The following MYCL variants were observed in gnomAD, a reference collection of about 807,000 sequenced individuals.
MYCL encodes the protein MYCL proto-oncogene, bHLH transcription factor.
In MYCL, 11 loss-of-function variants were observed where a neutral mutation model predicts 31.0. The observed-to-expected ratio is 0.35, with a 90% CI of 0.22 to 0.59. The LOEUF is 0.59. MYCL is among the 20% of genes least tolerant of loss of function. MYCL has a pLI of 0.79. For missense variants in MYCL, 427 were observed against 486.1 expected, an observed-to-expected ratio of 0.88 and a Z score of 1.14; for synonymous variants, 208 against 202.4, an observed-to-expected ratio of 1.03 and a Z score of -0.23.
Position 39,901,832 on chromosome 1 carries a change from G to C in MYCL, c.-398C>G, listed in dbSNP as rs1488450404. The C allele has an allele frequency of 3.1e-6, 4 of 1,270,108 alleles. No homozygotes were observed. Among genetic ancestry groups the C allele is most frequent in the Non-Finnish European group, 4.0e-6 (4 of 997,170 alleles). The allele number at this position is 1,270,108 out of a possible 1,614,324, so 78.7% of individuals were successfully genotyped here. A position where few individuals can be genotyped will look rare whatever the true frequency, so the allele number is the denominator to read the frequency against. On this transcript the variant is annotated 5_prime_UTR_variant, in exon 1 of 2. Transcript: ENST00000372816. This position sits in a 1 kb window ranked among gnomAD's most constrained non-coding sequence, Gnocchi z 6.9. ...CCTCGCTCCAGCCGCCCGCCACCTG[G>C]AGCGGACCGGCTCCCCGCCGGCTCG...
At chr1:39,898,617 A>T in intron 1 of MYCL, 1 of 981,350 alleles carries the variant, frequency 1.0e-6, no homozygotes, top group Non-Finnish European at 1.2e-6. Flanking sequence ...GGGTTTCTAA[A>T]GTCATCCATC....
chr1:39,900,478 C>T, intron 1 of MYCL: 4 of 1,033,698 alleles, frequency 3.9e-6, no homozygotes, highest in Non-Finnish European at 4.6e-6. Flanking sequence ...AAAGTAAAGC[C>T]AACTGGAGAC....
At position 39,901,390 on chromosome 1, in the gene MYCL, G is replaced by A. The variant is rs2124720894; in HGVS notation, c.45C>T (p.Cys15=). The part of the protein sequence containing the change: ...SYQHYFYDYD[C]GEDFYRSTAP... Reference sequence around the variant, plus strand: ...CCGTGGAGCGGTAGAAATCCTCCCCGCAGTCATAGTCGTAGAAATAGTGCT... The same window carrying A: ...CCGTGGAGCGGTAGAAATCCTCCCCACAGTCATAGTCGTAGAAATAGTGCT... Residue 15 remains cysteine (C), a synonymous_variant, in exon 1 of 2, where the codon TGC becomes TGT. Transcript: ENST00000372816. This position sits in a 1 kb window ranked among gnomAD's most constrained non-coding sequence, Gnocchi z 6.9. 6.2e-7 allele frequency: 1 copy of A among 1,612,958 alleles called. No individual in the cohort carries two copies.
At position 39,901,039 on chromosome 1, in the gene MYCL, A is replaced by T. The variant is rs1220686704; in HGVS notation, c.396T>A (p.Thr132=). 1.3e-6 allele frequency: 2 copies of T among 1,526,008 alleles called. No homozygotes were observed. Among genetic ancestry groups the T allele is most frequent in the East Asian group, 4.8e-5 (2 of 41,258 alleles). 94.5% of individuals were successfully genotyped at this position (1,526,008 alleles called of 1,614,324 possible). A position where few individuals can be genotyped will look rare whatever the true frequency, so the allele number is the denominator to read the frequency against. ...PPKASAAPDC[T]PSLEAGNPAP... is the part of the protein sequence containing the mutation. ...CCGGGTTGCCGGCTTCGAGGCTGGG[A>T]GTGCAGTCCGGGGCGGCGGACGCCT... The change falls in exon 1 of 2, where the codon ACT becomes ACA. Residue 132 remains threonine (T), a synonymous_variant. Coordinates refer to ENST00000372816, the MANE Select transcript of MYCL (RefSeq NM_001033081.3). The surrounding 1 kb of genome is among the most constrained non-coding windows in gnomAD (Gnocchi z 6.9).
intron 1 of MYCL, chr1:39,900,273 A>G (rs1644523269): frequency 6.1e-6 from 6 of 985,604 alleles, no homozygotes; most frequent in Non-Finnish European, 7.2e-6. Context: ...CCTGGTTGGG[A>G]TGGAGCATTG....
At chr1:39,900,506 C>T (rs757646368) in intron 1 of MYCL, 233 of 1,078,080 alleles carry the variant, frequency 2.2e-4, no homozygotes, top group Non-Finnish European at 2.5e-4. Context: ...TTTAAAAGGA[C>T]GAAGGTTTTG....
At position 39,900,091 on chromosome 1, in the gene MYCL, C is replaced by A. The variant is rs544463509; in HGVS notation, c.496+848G>T. 320 of 985,434 alleles carry A rather than the reference C, an allele frequency of 3.2e-4. 4 individuals are homozygous for A. In the South Asian group the frequency reaches 0.011, roughly 35 times the overall value. The allele number at this position is 985,434 out of a possible 1,614,324, so 61.0% of individuals were successfully genotyped here. A position where few individuals can be genotyped will look rare whatever the true frequency, so the allele number is the denominator to read the frequency against. On this transcript the variant is annotated intron_variant, in intron 1 of 1. Coordinates refer to ENST00000372816, the MANE Select transcript of MYCL (RefSeq NM_001033081.3). ...CCCCAGCATGTAGCCCACAGATTGC[C>A]ACAAAGTAGGGGCCAGTGAATATTT... is the stretch of plus-strand genomic sequence containing the variant.
rs1448038483 is a variant in MYCL at position 39,900,504 on chromosome 1, G to A, written c.496+435C>T. On this transcript the variant is annotated intron_variant, in intron 1 of 1. Coordinates refer to ENST00000372816, the MANE Select transcript of MYCL (RefSeq NM_001033081.3). ...AACTGGAGACCTAGGTTTTTAAAAG[G>A]ACGAAGGTTTTGGCTTTGCACAAAA... is the stretch of plus-strand genomic sequence containing the variant. 8 of 1,075,052 alleles carry A rather than the reference G, an allele frequency of 7.4e-6. No homozygotes were observed. The East Asian group carries it at 1.8e-4, about 24-fold the overall frequency. 66.6% of individuals were successfully genotyped at this position (1,075,052 alleles called of 1,614,324 possible). A position where few individuals can be genotyped will look rare whatever the true frequency, so the allele number is the denominator to read the frequency against.
rs978227875 is a variant in MYCL at position 39,895,428 on chromosome 1, T to C, written c.*1944A>G. The stretch of plus-strand genomic sequence containing the variant: ...GGCATAAGCTGCCCCCACTCTGACA[T>C]GTTTGAGAAATCTTTTATTAGAAGA... On this transcript the variant is annotated 3_prime_UTR_variant, in exon 2 of 2. Transcript: ENST00000372816. 3 of 213,426 alleles carry C rather than the reference T, an allele frequency of 1.4e-5. No homozygotes were observed. Among genetic ancestry groups the C allele is most frequent in the Non-Finnish European group, 2.8e-5 (3 of 105,576 alleles). The allele number at this position is 213,426 out of a possible 1,614,324, so 13.2% of individuals were successfully genotyped here.
At position 39,901,830 on chromosome 1, in the gene MYCL, TG is replaced by T; in HGVS notation, c.-397del. 1.6e-6 allele frequency: 2 copies of T among 1,272,302 alleles called. No individual in the cohort carries two copies. The highest frequency in any genetic ancestry group is 1.8e-5 in the South Asian group (1 of 54,548). 78.8% of individuals were successfully genotyped at this position (1,272,302 alleles called of 1,614,324 possible). ...CACCTCGCTCCAGCCGCCCGCCACCTGGAGCGGACCGGCTCCCCGCCGGCTC... is the reference window on the plus strand; with the variant it reads ...CACCTCGCTCCAGCCGCCCGCCACCTGAGCGGACCGGCTCCCCGCCGGCTC... On this transcript the variant is annotated 5_prime_UTR_variant, in exon 1 of 2. The change creates a premature stop within an existing upstream ORF in the 5' untranslated region. Transcript: ENST00000372816. The surrounding 1 kb of genome is among the most constrained non-coding windows in gnomAD (Gnocchi z 6.9).
Position 39,901,850 on chromosome 1 carries a change from C to A in MYCL, c.-416G>T. On this transcript the variant is annotated 5_prime_UTR_variant, in exon 1 of 2. Transcript: ENST00000372816. This position sits in a 1 kb window ranked among gnomAD's most constrained non-coding sequence, Gnocchi z 6.9. ...CCACCTGGAGCGGACCGGCTCCCCG[C>A]CGGCTCGGGGCAGCCCGGCAGCCAG... is the stretch of plus-strand genomic sequence containing the variant. 1 of 1,254,238 alleles carries A rather than the reference C, an allele frequency of 8.0e-7. No individual in the cohort carries two copies. Among genetic ancestry groups the A allele is most frequent in the Non-Finnish European group, 1.0e-6 (1 of 989,694 alleles). The allele number at this position is 1,254,238 out of a possible 1,614,324, so 77.7% of individuals were successfully genotyped here.
chr1:39,900,684 C>T (rs925616073), intron 1 of MYCL: 5 of 1,390,866 alleles, frequency 3.6e-6, no homozygotes, highest in Admixed American at 3.4e-5. Context: ...CCAACCCTCA[C>T]CTCAAATCCC....
chr1:39,901,014 C>A lies in MYCL; in HGVS notation c.421G>T (p.Ala141Ser). 6.7e-7 allele frequency: 1 copy of A among 1,491,432 alleles called. No homozygotes were observed. The highest frequency in any genetic ancestry group is 8.9e-7 in the Non-Finnish European group (1 of 1,122,156). 92.4% of individuals were successfully genotyped at this position (1,491,432 alleles called of 1,614,324 possible). ...CTPSLEAGNP[A>S]PAAPCPLGEP... ...CCCAGCGGACAGGGGGCGGCGGGCGCCGGGTTGCCGGCTTCGAGGCTGGGA... is the reference window on the plus strand; with the variant it reads ...CCCAGCGGACAGGGGGCGGCGGGCGACGGGTTGCCGGCTTCGAGGCTGGGA... Residue 141 changes from alanine to serine, a missense_variant, in exon 1 of 2, where the codon GCG becomes TCG. Physicochemically the swap from Ala to Ser is moderately conservative, Grantham distance 99. Coordinates refer to ENST00000372816, the MANE Select transcript of MYCL (RefSeq NM_001033081.3). The surrounding 1 kb of genome is among the most constrained non-coding windows in gnomAD (Gnocchi z 6.9).
At position 39,901,778 on chromosome 1, in the gene MYCL, C is replaced by T; in HGVS notation, c.-344G>A. The T allele has an allele frequency of 8.0e-7, 1 of 1,244,136 alleles. No homozygotes were observed. The highest frequency in any genetic ancestry group is 1.0e-6 in the Non-Finnish European group (1 of 987,060). The allele number at this position is 1,244,136 out of a possible 1,614,324, so 77.1% of individuals were successfully genotyped here. A position where few individuals can be genotyped will look rare whatever the true frequency, so the allele number is the denominator to read the frequency against. Reference sequence around the variant, plus strand: ...CAGCCAGCCCGCACCGCGGGACCCGCGCCCGTGCCCTGGCCACCCGCAGCC... The same window carrying T: ...CAGCCAGCCCGCACCGCGGGACCCGTGCCCGTGCCCTGGCCACCCGCAGCC... On this transcript the variant is annotated 5_prime_UTR_variant, in exon 1 of 2. Transcript: ENST00000372816. This position sits in a 1 kb window ranked among gnomAD's most constrained non-coding sequence, Gnocchi z 6.9.
At chr1:39,899,817 A>G in intron 1 of MYCL, 1 of 985,410 alleles carries the variant, frequency 1.0e-6, no homozygotes, top group Non-Finnish European at 1.2e-6. Context: ...CCAGTTCCCT[A>G]TCAAATGGTC....
Position 39,897,948 on chromosome 1 carries a change from C to T in MYCL, c.519G>A (p.Val173=). ...SDSENEEIDV[V]TVEKRQSLGI... Reference sequence around the variant, plus strand: ...CCAGAGACTGCCTCTTCTCTACTGTCACAACATCAATTTCTTCATTCTCTG... The same window carrying T: ...CCAGAGACTGCCTCTTCTCTACTGTTACAACATCAATTTCTTCATTCTCTG... The change falls in exon 2 of 2, where the codon GTG becomes GTA. Residue 173 remains valine (V), a synonymous_variant. Transcript: ENST00000372816. This position sits in a 1 kb window ranked among gnomAD's most constrained non-coding sequence, Gnocchi z 4.3. 6.2e-7 allele frequency: 1 copy of T among 1,613,156 alleles called. No homozygotes were observed. Among genetic ancestry groups the T allele is most frequent in the East Asian group, 2.2e-5 (1 of 44,854 alleles).
intron 1 of MYCL, chr1:39,898,677 T>C: frequency 1.0e-6 from 1 of 985,416 alleles, no homozygotes; most frequent in Non-Finnish European, 1.2e-6. Context: ...AAGGTTAGAT[T>C]TGTAATCATA....
intron 1 of MYCL, 101 bp from the exon 2 acceptor site, chr1:39,898,071 G>C (rs1644500647): frequency 6.7e-7 from 1 of 1,492,748 alleles, no homozygotes; most frequent in Non-Finnish European, 8.8e-7. Flanking sequence ...GGGAAGGTAG[G>C]AGACATTTTT....
At position 39,895,505 on chromosome 1, in the gene MYCL, T is replaced by C. The variant is rs936164948; in HGVS notation, c.*1867A>G. The C allele has an allele frequency of 4.4e-6, 1 of 226,776 alleles. No individual in the cohort carries two copies. 14.0% of individuals were successfully genotyped at this position (226,776 alleles called of 1,614,324 possible). On this transcript the variant is annotated 3_prime_UTR_variant, in exon 2 of 2. Transcript: ENST00000372816. Reference sequence around the variant, plus strand: ...CAGGCAATCAGTAATCACAACTAAATACAAAATTTCAGGTGAACTTGCCTT... The same window carrying C: ...CAGGCAATCAGTAATCACAACTAAACACAAAATTTCAGGTGAACTTGCCTT...
Sources: gnomAD v4.1 joint callset for allele counts on GRCh38, gnomAD v4.1.1 for gene constraint, Gnocchi (gnomAD v3.1) non-coding constraint, MANE v1.5 for transcripts, NCBI Gene and HGNC (gene_info 2026-07-23, HGNC 2026-07-21) for gene names.